Variants in CYRIB observed in about 807,000 individuals in gnomAD.
CYRIB encodes CYFIP-related Rac1 interactor B.
CYRIB carries 8 observed loss-of-function variants against 44.2 expected under a neutral mutation model. The ratio of observed to expected loss-of-function variants is 0.18; its 90% CI spans 0.11 to 0.33. The LOEUF (loss-of-function observed/expected upper bound fraction) is 0.33, where lower values mean the gene tolerates loss of function less well. Ranked by LOEUF, CYRIB falls within the 10% of genes least tolerant of loss-of-function variation. The pLI is 1.00. For synonymous variants in CYRIB, 131 were observed against 127.2 expected, an observed-to-expected ratio of 1.03 and a Z score of -0.20; for missense variants, 185 against 382.8, an observed-to-expected ratio of 0.48 and a Z score of 4.31.
At chr8:129,991,405 C>T (rs2096630216) in intron 1 of CYRIB, among the ~76,000 whole-genome samples, 2 of 151,924 alleles carry the variant, frequency 1.3e-5, no homozygotes, top group South Asian at 2.1e-4. Flanking sequence ...ACTCTGCCCT[C>T]GTGAATGGAT....
chr8:129,860,265 T>G (rs1234484922), intron 5 of CYRIB, among the ~76,000 whole-genome samples: 2 of 152,208 alleles, frequency 1.3e-5, no homozygotes, highest in Non-Finnish European at 2.9e-5. Flanking sequence ...TTATTCTTTG[T>G]GTATTGGGAT....
rs2058347670 is a variant in CYRIB at position 129,874,193 on chromosome 8, ATGCAAAAT to A, written c.74-2705_74-2698del. Among the ~76,000 whole-genome samples the A allele has an allele frequency of 2.6e-5, 4 of 152,228 alleles. No individual in the cohort carries two copies. The South Asian group carries it at 8.3e-4, about 32-fold the overall frequency. ...CCATTTAGTCAGCTTACAAAAGGAC[ATGCAAAAT>A]TGCAAAATAATGTATCTACTACTGA... On this transcript the variant is annotated intron_variant, in intron 3 of 11. Coordinates refer to ENST00000519824, the Ensembl canonical transcript of CYRIB.
At chr8:129,948,899 T>C (rs2094339464) in intron 2 of CYRIB, 2 of 152,168 alleles carry the variant, frequency 1.3e-5, no homozygotes, top group African/African-American at 4.8e-5. Flanking sequence ...ACCCTGTATG[T>C]AGAAAAAATT....
At chr8:129,863,438 T>A (rs144661514) in intron 4 of CYRIB, among the ~76,000 whole-genome samples, 2,084 of 151,930 alleles carry the variant, frequency 0.014, 46 homozygotes, top group African/African-American at 0.047. Context: ...GACAGGAGAA[T>A]TGCTTGAACC....
At chr8:129,991,119 G>A (rs183552371) in intron 1 of CYRIB, among the ~76,000 whole-genome samples, 42 of 135,678 alleles carry the variant, frequency 3.1e-4, no homozygotes, top group African/African-American at 1.1e-3. Flanking sequence ...GCAACAGAGC[G>A]AGACTCTGTC....
chr8:129,858,978 T>C (rs2047711447), intron 5 of CYRIB, among the ~76,000 whole-genome samples: 1 of 151,934 alleles, frequency 6.6e-6, no homozygotes, highest in African/African-American at 2.4e-5. Flanking sequence ...AGTGTAGAAA[T>C]AAAGACACAA....
At chr8:129,989,635 CCTTT>C (rs758789372) in intron 1 of CYRIB, among the ~76,000 whole-genome samples, 400 of 150,692 alleles carry the variant, frequency 2.7e-3, no homozygotes, top group Non-Finnish European at 4.3e-3. Flanking sequence ...AGCCTGATGC[CCTTT>C]CTTTTTTTTT....
chr8:129,990,801 G>C (rs1006308535), intron 1 of CYRIB, among the ~76,000 whole-genome samples: 1 of 152,050 alleles, frequency 6.6e-6, no homozygotes, highest in East Asian at 1.9e-4. Context: ...TAGGATTAGA[G>C]TTGCAAGCCA....
At chr8:129,845,439 G>A (rs1473367035) in intron 11 of CYRIB, among the ~76,000 whole-genome samples, 1 of 152,150 alleles carries the variant, frequency 6.6e-6, no homozygotes, top group Non-Finnish European at 1.5e-5. Flanking sequence ...AGTATGCGTT[G>A]TAAAAACCCC....
intron 4 of CYRIB, among the ~76,000 whole-genome samples, chr8:129,866,541 TAG>T (rs1044546076): frequency 6.6e-6 from 1 of 151,924 alleles, no homozygotes; most frequent in South Asian, 2.1e-4. Context: ...TGACTGTATA[TAG>T]AGATTGTTCA....
chr8:129,896,475 T>C (rs1269304467), intron 2 of CYRIB, among the ~76,000 whole-genome samples: 2 of 152,238 alleles, frequency 1.3e-5, no homozygotes, highest in African/African-American at 4.8e-5. Flanking sequence ...CAATACTCTT[T>C]ACCACCTCTG....
At chr8:129,844,883 A>T (rs781688311) in intron 11 of CYRIB, among the ~76,000 whole-genome samples, 3 of 152,236 alleles carry the variant, frequency 2.0e-5, no homozygotes, top group Non-Finnish European at 4.4e-5. Context: ...AAGTATCAGC[A>T]TTATCTACAT....
chr8:129,981,978 G>A (rs1469867221), intron 1 of CYRIB, among the ~76,000 whole-genome samples: 1 of 152,208 alleles, frequency 6.6e-6, no homozygotes, highest in Non-Finnish European at 1.5e-5. Context: ...ACTCGAGTGG[G>A]CATTCCTCTT....
upstream of CYRIB, among the ~76,000 whole-genome samples, chr8:129,943,480 A>C (rs2093887184): frequency 6.6e-6 from 1 of 151,016 alleles, no homozygotes; most frequent in Admixed American, 6.6e-5. Context: ...CTGTAATCCC[A>C]GCTACTTGGG....
intron 1 of CYRIB, among the ~76,000 whole-genome samples, chr8:129,913,075 C>T (rs1394589370): frequency 2.0e-5 from 3 of 150,032 alleles, no homozygotes; most frequent in Non-Finnish European, 4.4e-5. Flanking sequence ...GGGATCACAT[C>T]ATTCTCCGGC....
intron 2 of CYRIB, among the ~76,000 whole-genome samples, chr8:129,891,923 A>C (rs143762184): frequency 3.3e-5 from 5 of 152,320 alleles, no homozygotes; most frequent in African/African-American, 1.2e-4. Flanking sequence ...TTAGGAGACC[A>C]ATACTGTTCC....
At chr8:129,977,056 G>A (rs2095963615) in intron 1 of CYRIB, among the ~76,000 whole-genome samples, 1 of 152,086 alleles carries the variant, frequency 6.6e-6, no homozygotes, top group Non-Finnish European at 1.5e-5. Flanking sequence ...TGGCCAGGCT[G>A]GTCTGGAACA....
chr8:129,850,479 G>T, intron 9 of CYRIB: 1 of 190,694 alleles, frequency 5.2e-6, no homozygotes, highest in Non-Finnish European at 1.1e-5. Context: ...TACTAAATAT[G>T]GAAAAAGAAC....
intron 1 of CYRIB, among the ~76,000 whole-genome samples, chr8:129,997,565 G>A (rs961491266): frequency 2.0e-5 from 3 of 152,248 alleles, no homozygotes; most frequent in African/African-American, 7.2e-5. Flanking sequence ...ATAAATGTGT[G>A]CAGGGCCTGA....
Sources: gnomAD v4.1 joint callset for allele counts (sites outside exome capture counted in the v4.1 genomes callset) on GRCh38, gnomAD v4.1.1 for gene constraint, MANE v1.5 for transcripts, NCBI Gene and HGNC (gene_info 2026-07-23, HGNC 2026-07-21) for gene names.